Variants in KCNJ6 observed in about 807,000 individuals in gnomAD.
The protein encoded by KCNJ6 is potassium inwardly rectifying channel subfamily J member 6.
Under a neutral mutation model 34.2 loss-of-function variants are expected in KCNJ6, and 9 were observed. That is an observed-to-expected ratio of 0.26 (90% confidence interval 0.16 to 0.46). The LOEUF is 0.46. Among genes scored for constraint, KCNJ6 ranks in the 20% least tolerant of loss-of-function variants. The probability of loss-of-function intolerance (pLI) is 1.00; values close to 1 mark genes in which losing one functional copy is unlikely to be tolerated. For synonymous variants in KCNJ6, 196 were observed against 207.1 expected, an observed-to-expected ratio of 0.95 and a Z score of 0.46; for missense variants, 236 against 531.3, an observed-to-expected ratio of 0.44 and a Z score of 5.46.
intron 3 of KCNJ6, among the ~76,000 whole-genome samples, chr21:37,703,163 T>C (rs977875422): frequency 2.0e-5 from 3 of 152,176 alleles, no homozygotes; most frequent in Non-Finnish European, 2.9e-5. Context: ...GGGAATGTTT[T>C]GATGTTGATG....
intron 3 of KCNJ6, among the ~76,000 whole-genome samples, chr21:37,686,998 G>C (rs971305880): frequency 1.3e-5 from 2 of 152,082 alleles, no homozygotes; most frequent in African/African-American, 4.8e-5. Context: ...TCTGCTGAAC[G>C]AAGCTAATTT....
chr21:37,631,767 C>T lies in KCNJ6; in HGVS notation c.947-6283G>A, dbSNP rs73906091. Among the ~76,000 whole-genome samples, 1,312 of 152,294 alleles carry T rather than the reference C, an allele frequency of 8.6e-3. 12 individuals are homozygous for T. The highest frequency in any genetic ancestry group is 0.03 in the African/African-American group (1,248 of 41,560). On this transcript the variant is annotated intron_variant, in intron 3 of 3. Transcript: ENST00000609713. Reference sequence around the variant, plus strand: ...CTAACCGGAGGACCAGGAAAAGGTGCTGCTGTGAGTCAGAGACGGGAGTGG... The same window carrying T: ...CTAACCGGAGGACCAGGAAAAGGTGTTGCTGTGAGTCAGAGACGGGAGTGG...
intron 3 of KCNJ6, among the ~76,000 whole-genome samples, chr21:37,654,696 T>C (rs979709181): frequency 1.3e-5 from 2 of 152,206 alleles, no homozygotes; most frequent in South Asian, 4.1e-4. Flanking sequence ...ATTTCACTGA[T>C]GAGCAAATCT....
rs560440083 is a variant in KCNJ6 at position 37,729,669 on chromosome 21, G to A, written c.26-14538C>T. Among the ~76,000 whole-genome samples the A allele has an allele frequency of 5.3e-5, 8 of 152,334 alleles. No homozygotes were observed. In the East Asian group the frequency reaches 1.2e-3, roughly 22 times the overall value. On this transcript the variant is annotated intron_variant, in intron 2 of 3. Transcript: ENST00000609713. ...ATTTCAAGAATCAGGACTGTCTACAGTTAGTTAGAACCATTAAGAACCTGT... is the reference window on the plus strand; with the variant it reads ...ATTTCAAGAATCAGGACTGTCTACAATTAGTTAGAACCATTAAGAACCTGT...
intron 2 of KCNJ6, among the ~76,000 whole-genome samples, chr21:37,787,230 T>G (rs1164707696): frequency 3.3e-5 from 5 of 152,212 alleles, no homozygotes; most frequent in African/African-American, 7.2e-5. Flanking sequence ...TGAAACTGAT[T>G]GACTAGAGCT....
chr21:37,865,640 C>G (rs923883989), intron 1 of KCNJ6, among the ~76,000 whole-genome samples: 1 of 152,200 alleles, frequency 6.6e-6, no homozygotes, highest in Admixed American at 6.5e-5. Flanking sequence ...ATGTCATACC[C>G]CTGTTAAGGG....
At chr21:37,633,723 A>AC (rs1394358773) in intron 3 of KCNJ6, among the ~76,000 whole-genome samples, 1 of 152,088 alleles carries the variant, frequency 6.6e-6, no homozygotes, top group African/African-American at 2.4e-5. Context: ...AACAAAAAAA[A>AC]CCCTAGAAAT....
intron 1 of KCNJ6, among the ~76,000 whole-genome samples, chr21:37,867,268 T>C (rs2055627249): frequency 6.6e-6 from 1 of 152,178 alleles, no homozygotes. Context: ...CTGAGGTGTC[T>C]AGGGTACTAC....
intron 3 of KCNJ6, among the ~76,000 whole-genome samples, chr21:37,664,104 T>G (rs753231223): frequency 1.8e-4 from 27 of 152,200 alleles, no homozygotes; most frequent in Non-Finnish European, 3.5e-4. Context: ...TAAAGTTGAA[T>G]CTAAATAATT....
chr21:37,689,024 T>C (rs969005352), intron 3 of KCNJ6, among the ~76,000 whole-genome samples: 1 of 152,254 alleles, frequency 6.6e-6, no homozygotes, highest in Non-Finnish European at 1.5e-5. Flanking sequence ...TAAATCACCA[T>C]ATATCGTTGG....
intron 2 of KCNJ6, among the ~76,000 whole-genome samples, chr21:37,775,709 T>C (rs1366458474): frequency 6.6e-6 from 1 of 152,170 alleles, no homozygotes; most frequent in Non-Finnish European, 1.5e-5. Flanking sequence ...CGTTGGTCTA[T>C]ATTTCTGTTT....
At chr21:37,789,013 T>G (rs2055204816) in intron 2 of KCNJ6, among the ~76,000 whole-genome samples, 1 of 152,208 alleles carries the variant, frequency 6.6e-6, no homozygotes, top group Admixed American at 6.5e-5. Flanking sequence ...AAGTTTATTA[T>G]TTCACTACTC....
rs188823718 is a variant in KCNJ6 at position 37,901,517 on chromosome 21, T to C, written c.-28+14367A>G. Among the ~76,000 whole-genome samples the C allele has an allele frequency of 4.5e-4, 68 of 152,354 alleles. 1 individual carries two copies. The highest frequency in any genetic ancestry group is 4.6e-4 in the Non-Finnish European group (31 of 68,028). ...ATCTGTAATCATAAGAGCATTGACC[T>C]TGACTTTACCGTAAAACTTTGATGA... On this transcript the variant is annotated intron_variant, in intron 1 of 3. Transcript: ENST00000609713.
chr21:37,914,993 A>T (rs148164982), intron 1 of KCNJ6, among the ~76,000 whole-genome samples: 1 of 149,904 alleles, frequency 6.7e-6, no homozygotes, highest in Non-Finnish European at 1.5e-5. Context: ...TTGTTTCTCC[A>T]CTAACCTCAC....
At chr21:37,796,672 C>T (rs2055243786) in intron 2 of KCNJ6, among the ~76,000 whole-genome samples, 1 of 152,050 alleles carries the variant, frequency 6.6e-6, no homozygotes, top group Non-Finnish European at 1.5e-5. Flanking sequence ...CCAGATGTAG[C>T]CCTGTTACTA....
intron 2 of KCNJ6, among the ~76,000 whole-genome samples, chr21:37,761,547 GGTAT>G (rs1426248720): frequency 3.4e-5 from 5 of 145,292 alleles, no homozygotes; most frequent in Non-Finnish European, 6.0e-5. Flanking sequence ...TCGTGTGTGT[GGTAT>G]GTGTGTATGT....
intron 1 of KCNJ6, among the ~76,000 whole-genome samples, chr21:37,844,365 A>T (rs574992255): frequency 4.6e-5 from 7 of 152,152 alleles, no homozygotes; most frequent in African/African-American, 1.2e-4. Flanking sequence ...CCTACTTTGC[A>T]TATTTTAAAG....
At chr21:37,855,144 T>C (rs1182637839) in intron 1 of KCNJ6, among the ~76,000 whole-genome samples, 1 of 152,244 alleles carries the variant, frequency 6.6e-6, no homozygotes, top group East Asian at 1.9e-4. Context: ...CTGATCACAA[T>C]GGAATCGAAC....
chr21:37,708,266 G>A (rs1406460975), intron 3 of KCNJ6, among the ~76,000 whole-genome samples: 1 of 152,226 alleles, frequency 6.6e-6, no homozygotes, highest in Non-Finnish European at 1.5e-5. Flanking sequence ...TTTGGAAGGA[G>A]TGGTAGAAAA....
Sources: gnomAD v4.1 joint callset for allele counts (sites outside exome capture counted in the v4.1 genomes callset) on GRCh38, gnomAD v4.1.1 for gene constraint, MANE v1.5 for transcripts, NCBI Gene and HGNC (gene_info 2026-07-23, HGNC 2026-07-21) for gene names.